Variants in SPHKAP observed in about 807,000 individuals in gnomAD.
SPHKAP encodes the protein A-kinase anchor protein SPHKAP.
SPHKAP carries 67 observed loss-of-function variants against 137.5 expected under a neutral mutation model. That is an observed-to-expected ratio of 0.49 (90% CI 0.40 to 0.60). The LOEUF (loss-of-function observed/expected upper bound fraction) is 0.60, where lower values mean the gene tolerates loss of function less well. SPHKAP is among the 20% of genes least tolerant of loss of function. The pLI is 0.00. For synonymous variants in SPHKAP, 813 were observed against 785.3 expected, an observed-to-expected ratio of 1.04 and a Z score of -0.59; for missense variants, 2,097 against 2,069.3, an observed-to-expected ratio of 1.01 and a Z score of -0.26.
intron 3 of SPHKAP, among the ~76,000 whole-genome samples, chr2:228,068,286 A>G (rs1165705231): frequency 1.3e-5 from 2 of 152,192 alleles, no homozygotes; most frequent in Non-Finnish European, 2.9e-5. Context: ...CAATACTGTT[A>G]AAACGTCCAT....
chr2:228,030,513 C>CAAAAAAAAAAAAAAAAAAAAACAAAAA (rs11287311), intron 3 of SPHKAP, among the ~76,000 whole-genome samples: 9 of 48,776 alleles, frequency 1.8e-4, no homozygotes, highest in African/African-American at 3.0e-4. Context: ...GATACCATCT[C>CAAAAAAAAAAAAAAAAAAAAACAAAAA]AAAAAAAAAA....
intron 1 of SPHKAP, among the ~76,000 whole-genome samples, chr2:228,170,359 G>A (rs950010418): frequency 2.6e-5 from 4 of 152,146 alleles, no homozygotes; most frequent in Admixed American, 6.6e-5. Context: ...GACAGAGATT[G>A]TGAGGATTGA....
In SPHKAP at chr2:227,995,618, G is replaced by T. The variant is rs776554607; in HGVS notation, c.4525C>A (p.Pro1509Thr). 35 of 1,613,846 alleles carry T rather than the reference G, an allele frequency of 2.2e-5. No homozygotes were observed. In the East Asian group the frequency reaches 6.9e-4, roughly 32 times the overall value. ...GTGCTCTCCTCGCTGCTGCTTGGAG[G>T]GTTGGGGGCCTCATCGGGGGCTCTG... is the stretch of plus-strand genomic sequence containing the variant. ...EARAPDEAPN[P>T]PSSSEESTGS... Residue 1509 changes from proline to threonine, a missense_variant, in exon 8 of 12, where the codon CCT becomes ACT. Pro to Thr is a conservative substitution (Grantham distance 38, BLOSUM62 -1). Coordinates refer to ENST00000392056, the MANE Select transcript of SPHKAP (RefSeq NM_001142644.2).
chr2:228,145,400 G>C lies in SPHKAP; in HGVS notation c.33-13315C>G, dbSNP rs866996468. 6.6e-5 allele frequency among the ~76,000 whole-genome samples: 10 copies of C among 152,202 alleles called. No homozygotes were observed. In the South Asian group the frequency reaches 2.1e-3, roughly 32 times the overall value. ...GGGGACTATTTAGAAAATATTTAAA[G>C]CCTGTAGAAAAATTTTTAAAGAAGA... On this transcript the variant is annotated intron_variant, in intron 1 of 11. Coordinates refer to ENST00000392056, the MANE Select transcript of SPHKAP (RefSeq NM_001142644.2).
chr2:227,993,877 C>T (rs1222842593), intron 8 of SPHKAP: 3 of 197,274 alleles, frequency 1.5e-5, no homozygotes, highest in African/African-American at 7.1e-5. Flanking sequence ...ATACCACTTT[C>T]TGAAGTGGTA....
Position 228,018,672 on chromosome 2 carries a change from C to T in SPHKAP, c.2182G>A (p.Val728Ile). 1.2e-6 allele frequency: 2 copies of T among 1,614,166 alleles called. No homozygotes were observed. The highest frequency in any genetic ancestry group is 1.7e-6 in the Non-Finnish European group (2 of 1,180,020). Reference sequence around the variant, plus strand: ...ACAGCAGGACATTCACCAAGCCGTACAATATGACTCATCTTCTTGAACGTG... The same window carrying T: ...ACAGCAGGACATTCACCAAGCCGTATAATATGACTCATCTTCTTGAACGTG... ...CFTFKKMSHIVRLGECPAVLS... is the reference protein window; with the variant it reads ...CFTFKKMSHIIRLGECPAVLS... Residue 728 changes from valine to isoleucine, a missense_variant, in exon 7 of 12, where the codon GTA becomes ATA. Transcript: ENST00000392056.
chr2:228,152,596 G>T (rs1290427566), intron 1 of SPHKAP, among the ~76,000 whole-genome samples: 1 of 151,948 alleles, frequency 6.6e-6, no homozygotes, highest in Non-Finnish European at 1.5e-5. Flanking sequence ...TAATGTAACT[G>T]CTGATATATT....
intron 1 of SPHKAP, among the ~76,000 whole-genome samples, chr2:228,169,043 A>G (rs1019528842): frequency 6.6e-5 from 10 of 152,020 alleles, no homozygotes; most frequent in African/African-American, 2.2e-4. Flanking sequence ...CTTCAATTCT[A>G]TGAAGTTTGG....
intron 2 of SPHKAP, among the ~76,000 whole-genome samples, chr2:228,124,716 A>G (rs1340420696): frequency 7.5e-6 from 1 of 132,672 alleles, no homozygotes; most frequent in Admixed American, 8.5e-5. Flanking sequence ...CATGTACCCT[A>G]AAACTTAAAG....
At chr2:228,028,544 T>A (rs1695150327) in intron 3 of SPHKAP, among the ~76,000 whole-genome samples, 1 of 152,244 alleles carries the variant, frequency 6.6e-6, no homozygotes, top group South Asian at 2.1e-4. Flanking sequence ...ACAGTGGTCC[T>A]TTAAGATTAT....
chr2:227,992,201 T>C (rs1235532712), intron 9 of SPHKAP, among the ~76,000 whole-genome samples: 1 of 152,254 alleles, frequency 6.6e-6, no homozygotes, highest in African/African-American at 2.4e-5. Context: ...TGTTTGACGA[T>C]AGATGATTCT....
chr2:228,036,287 C>T (rs1188714586), intron 3 of SPHKAP, among the ~76,000 whole-genome samples: 3 of 152,166 alleles, frequency 2.0e-5, no homozygotes, highest in South Asian at 2.1e-4. Context: ...AAAAAATGCT[C>T]CTCATCACTG....
At chr2:228,079,619 GC>G (rs1388891197) in intron 3 of SPHKAP, among the ~76,000 whole-genome samples, 1 of 152,182 alleles carries the variant, frequency 6.6e-6, no homozygotes, top group Non-Finnish European at 1.5e-5. Context: ...ATGTGCCAGG[GC>G]CATTCCAGTG....
intron 2 of SPHKAP, among the ~76,000 whole-genome samples, chr2:228,114,658 C>A (rs1698647688): frequency 6.6e-6 from 1 of 152,248 alleles, no homozygotes; most frequent in Admixed American, 6.5e-5. Flanking sequence ...CTATTAGTAT[C>A]AGAAATGCAG....
At chr2:228,047,302 C>T (rs139841763) in intron 3 of SPHKAP, among the ~76,000 whole-genome samples, 1,593 of 152,022 alleles carry the variant, frequency 0.01, 15 homozygotes, top group Non-Finnish European at 0.017. Context: ...CCCATCTCTG[C>T]TAAAAATACA....
chr2:228,132,424 C>T (rs946491973), intron 1 of SPHKAP: 11 of 418,730 alleles, frequency 2.6e-5, no homozygotes, highest in Non-Finnish European at 3.5e-5. Context: ...TCTCAATTGC[C>T]ACATTAATTC....
At position 228,127,670 on chromosome 2, in the gene SPHKAP, A is replaced by T. The variant is rs369074672; in HGVS notation, c.138+4310T>A. Reference sequence around the variant, plus strand: ...CATCCTTCTGAGTACCTTCTGCTGAACTTGCCGATGTCTATTGCAGATCCA... The same window carrying T: ...CATCCTTCTGAGTACCTTCTGCTGATCTTGCCGATGTCTATTGCAGATCCA... On this transcript the variant is annotated intron_variant, in intron 2 of 11. Coordinates refer to ENST00000392056, the MANE Select transcript of SPHKAP (RefSeq NM_001142644.2). Among the ~76,000 whole-genome samples the T allele has an allele frequency of 3.2e-4, 49 of 152,218 alleles. No individual in the cohort carries two copies. The East Asian group carries it at 5.6e-3, about 17-fold the overall frequency.
intron 7 of SPHKAP, among the ~76,000 whole-genome samples, chr2:228,000,622 AT>A (rs66657801): frequency 0.52 from 79,240 of 151,070 alleles, 21,102 homozygotes; most frequent in South Asian, 0.66. Flanking sequence ...TCTAAAAAAA[AT>A]AATAATAATA....
chr2:228,023,139 C>A (rs142563162), intron 5 of SPHKAP, among the ~76,000 whole-genome samples: 12 of 152,258 alleles, frequency 7.9e-5, no homozygotes, highest in African/African-American at 2.9e-4. Flanking sequence ...TTATTTATTG[C>A]TCATTGGAAT....
Sources: gnomAD v4.1 joint callset for allele counts (sites outside exome capture counted in the v4.1 genomes callset) on GRCh38, gnomAD v4.1.1 for gene constraint, MANE v1.5 for transcripts, NCBI Gene and HGNC (gene_info 2026-07-23, HGNC 2026-07-21) for gene names.